SLC6A6: variants seen among roughly 807,000 people sequenced by gnomAD.
SLC6A6 encodes solute carrier family 6 member 6.
A neutral mutation model predicts 68.8 loss-of-function variants in SLC6A6; 16 were observed. That is an observed-to-expected ratio of 0.23 (90% CI 0.16 to 0.35). The LOEUF is 0.35. SLC6A6 is among the 10% of genes least tolerant of loss of function. The probability of loss-of-function intolerance (pLI) is 1.00; values close to 1 mark genes in which losing one functional copy is unlikely to be tolerated. For missense variants in SLC6A6, 474 were observed against 802.8 expected (o/e 0.59, Z 4.95); for synonymous variants, 312 against 315.4 (o/e 0.99, Z 0.12).
At chr3:14,455,350 G>A (rs1231979616) in intron 5 of SLC6A6, among the ~76,000 whole-genome samples, 1 of 152,250 alleles carries the variant, frequency 6.6e-6, no homozygotes, top group Non-Finnish European at 1.5e-5. Context: ...GAGAAGGGCA[G>A]ATGCTGTTAG....
At position 14,477,314 on chromosome 3, in the gene SLC6A6, A is replaced by G. The variant is rs1700901718; in HGVS notation, c.1319A>G (p.Tyr440Cys). Residue 440 changes from tyrosine to cysteine, a missense_variant, in exon 11 of 15, where the codon TAC (tyrosine) becomes TGC (cysteine). Tyr to Cys is a radical substitution (Grantham distance 194). Around this residue, in one of 2 missense-constraint regions of SLC6A6, gnomAD observed 194 missense variants for 269.8 expected, o/e 0.72. Coordinates refer to ENST00000622186, the MANE Select transcript of SLC6A6 (RefSeq NM_003043.6). This position sits in a 1 kb window ranked among gnomAD's most constrained non-coding sequence, Gnocchi z 4.2. Reference protein sequence around the residue: ...IFIAFVCSISYLLGLTMVTEG... With the variant: ...IFIAFVCSISCLLGLTMVTEG... Reference sequence around the variant, plus strand: ...ATCGCCTTCGTGTGTAGCATCAGCTACCTGCTGGGGCTGACGATGGTGACG... The same window carrying G: ...ATCGCCTTCGTGTGTAGCATCAGCTGCCTGCTGGGGCTGACGATGGTGACG... The G allele has an allele frequency of 6.2e-7, 1 of 1,613,946 alleles. No individual in the cohort carries two copies. The highest frequency in any genetic ancestry group is 1.7e-5 in the Admixed American group (1 of 60,002).
Position 14,479,153 on chromosome 3 carries a change from A to T in SLC6A6, c.1519A>T (p.Ser507Cys). 1.2e-6 allele frequency: 2 copies of T among 1,612,960 alleles called. No individual in the cohort carries two copies. The highest frequency in any genetic ancestry group is 1.7e-6 in the Non-Finnish European group (2 of 1,178,924). Residue 507 changes from serine (S) to cysteine (C), a missense_variant, in exon 13 of 15, where the codon AGC (serine) becomes TGC (cysteine). Transcript: ENST00000622186. ...GYRPGPWMKY[S>C]WAVITPVLCV... ...TCGGCCCGGGCCCTGGATGAAGTAC[A>T]GCTGGGCTGTGATCACTCCAGTTCT...
rs187986671 is a variant in SLC6A6, at chr3:14,420,776, G to A, written c.-12+4323G>A. On this transcript the variant is annotated intron_variant, in intron 2 of 14. Coordinates refer to ENST00000622186, the MANE Select transcript of SLC6A6 (RefSeq NM_003043.6). Reference sequence around the variant, plus strand: ...TGGGATTACAGGCATGAGCCACCGCGCCCAGCCTCTATTTTCAATTGTTGT... The same window carrying A: ...TGGGATTACAGGCATGAGCCACCGCACCCAGCCTCTATTTTCAATTGTTGT... Among the ~76,000 whole-genome samples the A allele has an allele frequency of 9.3e-3, 1,422 of 152,204 alleles. 15 individuals carry two copies. Among genetic ancestry groups the A allele is most frequent in the South Asian group, 0.029 (141 of 4,822 alleles).
intron 5 of SLC6A6, among the ~76,000 whole-genome samples, chr3:14,453,958 G>T (rs1244831289): frequency 6.6e-6 from 1 of 152,204 alleles, no homozygotes; most frequent in Non-Finnish European, 1.5e-5. Flanking sequence ...AAGTGATGCT[G>T]CAGTCTGGGG....
intron 1 of SLC6A6, among the ~76,000 whole-genome samples, chr3:14,407,554 C>T (rs1699138416): frequency 6.6e-6 from 1 of 150,408 alleles, no homozygotes. Flanking sequence ...GTTTCCCAGG[C>T]TGGAGTGCAG....
intron 2 of SLC6A6, among the ~76,000 whole-genome samples, chr3:14,425,064 G>A (rs1198112302): frequency 6.6e-6 from 1 of 152,190 alleles, no homozygotes; most frequent in Non-Finnish European, 1.5e-5. Flanking sequence ...TTGGTTGAAC[G>A]AAGGCACGCC....
intron 5 of SLC6A6, among the ~76,000 whole-genome samples, chr3:14,453,449 G>C (rs1700300109): frequency 6.6e-6 from 1 of 152,212 alleles, no homozygotes; most frequent in African/African-American, 2.4e-5. Context: ...TCAGTAAAAA[G>C]GAACCAGGTC....
Position 14,472,667 on chromosome 3 carries a change from G to T in SLC6A6, c.1209+350G>T, listed in dbSNP as rs1700780491. Among the ~76,000 whole-genome samples, 1 of 152,210 alleles carries T rather than the reference G, an allele frequency of 6.6e-6. No homozygotes were observed. ...TCAAGCCACAAATGACGAATTGGAG[G>T]TCATGACTCAATAAGTCATGATGTG... On this transcript the variant is annotated intron_variant, in intron 10 of 14. Coordinates refer to ENST00000622186, the MANE Select transcript of SLC6A6 (RefSeq NM_003043.6). The surrounding 1 kb of genome is among the most constrained non-coding windows in gnomAD (Gnocchi z 4.5).
At chr3:14,434,755 T>C (rs11720513) in intron 2 of SLC6A6, among the ~76,000 whole-genome samples, 39,881 of 152,002 alleles carry the variant, frequency 0.26, 5,338 homozygotes, top group Admixed American at 0.31. Context: ...CTGGCCCTTC[T>C]CAGGCCATCC....
chr3:14,426,184 T>C (rs1699593105), intron 2 of SLC6A6, among the ~76,000 whole-genome samples: 1 of 152,144 alleles, frequency 6.6e-6, no homozygotes, highest in African/African-American at 2.4e-5. Flanking sequence ...GACTTCCTGG[T>C]ATCTAAGGTC....
intron 6 of SLC6A6, among the ~76,000 whole-genome samples, chr3:14,463,881 C>T (rs532700336): frequency 2.0e-5 from 3 of 152,308 alleles, no homozygotes; most frequent in Admixed American, 2.0e-4. Flanking sequence ...CTGACAGTGC[C>T]GGCCAAAGAG....
At chr3:14,416,625 C>G (rs1699368664) in intron 2 of SLC6A6, among the ~76,000 whole-genome samples, 172 bp downstream of exon 2, 1 of 152,222 alleles carries the variant, frequency 6.6e-6, no homozygotes, top group Non-Finnish European at 1.5e-5. Flanking sequence ...GATCCCCTGG[C>G]CTGGCTTGGC....
intron 10 of SLC6A6, among the ~76,000 whole-genome samples, chr3:14,475,568 G>A (rs866805181): frequency 2.1e-4 from 32 of 152,312 alleles, no homozygotes; most frequent in African/African-American, 6.5e-4. Context: ...GTTAAGCGAC[G>A]GAGGGCTGAA....
intron 6 of SLC6A6, among the ~76,000 whole-genome samples, chr3:14,462,471 G>A (rs941822713): frequency 3.3e-5 from 5 of 152,160 alleles, no homozygotes; most frequent in Non-Finnish European, 5.9e-5. Flanking sequence ...GCCGAGGAGG[G>A]CAGATTGCTT....
At chr3:14,406,782 T>C (rs1345006133) in intron 1 of SLC6A6, among the ~76,000 whole-genome samples, 1 of 152,226 alleles carries the variant, frequency 6.6e-6, no homozygotes, top group African/African-American at 2.4e-5. Flanking sequence ...ATTGCTGTTC[T>C]GTTTCTAAAG....
rs1375177091 is a variant in SLC6A6 at position 14,488,774 on chromosome 3, C to T, written c.*3767C>T. 6.6e-6 allele frequency: 1 copy of T among 152,650 alleles called. No individual in the cohort carries two copies. The highest frequency in any genetic ancestry group is 1.5e-5 in the Non-Finnish European group (1 of 68,052). 9.5% of individuals were successfully genotyped at this position (152,650 alleles called of 1,614,324 possible). Reference sequence around the variant, plus strand: ...CCCCTTTCCTTCTCTCCCTGATCCTCAGAATATATATTGTTGTAATAGGAA... The same window carrying T: ...CCCCTTTCCTTCTCTCCCTGATCCTTAGAATATATATTGTTGTAATAGGAA... On this transcript the variant is annotated 3_prime_UTR_variant, in exon 15 of 15. Coordinates refer to ENST00000622186, the MANE Select transcript of SLC6A6 (RefSeq NM_003043.6).
At chr3:14,436,041 C>A (rs1699844573) in intron 2 of SLC6A6, among the ~76,000 whole-genome samples, 1 of 152,160 alleles carries the variant, frequency 6.6e-6, no homozygotes, top group South Asian at 2.1e-4. Context: ...GAGCAGATAA[C>A]CAACAGATAC....
intron 9 of SLC6A6, among the ~76,000 whole-genome samples, chr3:14,469,554 T>C (rs1466458217): frequency 6.6e-6 from 1 of 152,220 alleles, no homozygotes; most frequent in Non-Finnish European, 1.5e-5. Context: ...AGGGCTTTGC[T>C]TGGGATAGGT....
intron 5 of SLC6A6, among the ~76,000 whole-genome samples, chr3:14,456,922 T>C (rs1700381371): frequency 6.6e-6 from 1 of 152,206 alleles, no homozygotes; most frequent in African/African-American, 2.4e-5. Context: ...GGAGGCCCAG[T>C]GGGCAGGGCC....
Sources: gnomAD v4.1 joint callset for allele counts (sites outside exome capture counted in the v4.1 genomes callset) on GRCh38, gnomAD v4.1.1 for gene constraint, gnomAD v4.1.1 regional missense constraint, Gnocchi (gnomAD v3.1) non-coding constraint, MANE v1.5 for transcripts, NCBI Gene and HGNC (gene_info 2026-07-23, HGNC 2026-07-21) for gene names.